ZNF30: variants seen among roughly 807,000 people sequenced by gnomAD.
ZNF30 encodes the protein zinc finger protein 30 (KOX 28).
ZNF30 carries 15 observed loss-of-function variants against 13.2 expected under a neutral mutation model. The observed-to-expected ratio is 1.13, with a 90% CI of 0.76 to 1.75. The LOEUF (loss-of-function observed/expected upper bound fraction) is 1.75, where lower values mean the gene tolerates loss of function less well. Ranked by LOEUF, ZNF30 falls within the 40% of genes most tolerant of loss-of-function variation. The probability of loss-of-function intolerance (pLI) is 0.00; values close to 1 mark genes in which losing one functional copy is unlikely to be tolerated. For missense variants in ZNF30, 726 were observed against 757.0 expected (o/e 0.96, Z 0.48); for synonymous variants, 223 against 256.6 (o/e 0.87, Z 1.25).
intron 4 of ZNF30, among the ~76,000 whole-genome samples, chr19:34,936,229 G>C (rs1250164999): frequency 6.6e-6 from 1 of 152,164 alleles, no homozygotes; most frequent in East Asian, 1.9e-4. Flanking sequence ...TAGTCTGAAT[G>C]GGGGCAAGAG....
intron 3 of ZNF30, 79 bp downstream of exon 3, chr19:34,932,072 A>G: frequency 7.8e-7 from 1 of 1,274,120 alleles, no homozygotes; most frequent in Non-Finnish European, 1.0e-6. Flanking sequence ...GGCTAGCTTA[A>G]GAACTGAACA....
At chr19:34,938,982 G>A (rs1600227926) in intron 4 of ZNF30, among the ~76,000 whole-genome samples, 1 of 152,190 alleles carries the variant, frequency 6.6e-6, no homozygotes, top group African/African-American at 2.4e-5. Flanking sequence ...GCAATTCCAC[G>A]GGCATGGTTT....
Position 34,943,530 on chromosome 19 carries a change from C to T in ZNF30, c.564C>T (p.Gly188=). ...AATGTGGGAAGGCCTTTATCAGTGG[C>T]TCAGCCTTTGTTAAGCATGGGAGAA... The part of the protein sequence containing the change: ...YEKCGKAFIS[G]SAFVKHGRIH... Residue 188 remains glycine, a synonymous_variant, in exon 5 of 5, where the codon GGC becomes GGT. Transcript: ENST00000601142. 6.2e-7 allele frequency: 1 copy of T among 1,613,474 alleles called. No homozygotes were observed. Among genetic ancestry groups the T allele is most frequent in the African/African-American group, 1.3e-5 (1 of 74,980 alleles).
intron 1 of ZNF30, among the ~76,000 whole-genome samples, chr19:34,928,220 A>AATATATATAT (rs374649415): frequency 2.2e-3 from 158 of 73,258 alleles, no homozygotes; most frequent in South Asian, 4.0e-3. Context: ...AAAAAAAAAA[A>AATATATATAT]ATATATATAT....
intron 4 of ZNF30, 87 bp downstream of exon 4, chr19:34,933,810 G>A: frequency 4.3e-6 from 4 of 939,646 alleles, no homozygotes; most frequent in East Asian, 2.7e-5. Context: ...GCAATGTTTG[G>A]AGGTTTCCCT....
At position 34,933,430 on chromosome 19, in the gene ZNF30, G is replaced by A. The variant is rs373540854; in HGVS notation, c.161-198G>A. On this transcript the variant is annotated intron_variant, in intron 3 of 4. Coordinates refer to ENST00000601142, the MANE Select transcript of ZNF30 (RefSeq NM_194325.3). ...ATCGCACACTGCACTGCAGCCTGGC[G>A]ACAGAGTGAGACTCTGTCTCTACAT... Among the ~76,000 whole-genome samples, 14 of 152,212 alleles carry A rather than the reference G, an allele frequency of 9.2e-5. No homozygotes were observed. In the East Asian group the frequency reaches 1.7e-3, roughly 19 times the overall value.
At chr19:34,941,190 T>C (rs891584599) in intron 4 of ZNF30, among the ~76,000 whole-genome samples, 1 of 152,236 alleles carries the variant, frequency 6.6e-6, no homozygotes, top group African/African-American at 2.4e-5. Context: ...GAGGGTCCTC[T>C]TGTGTAGCGT....
intron 4 of ZNF30, among the ~76,000 whole-genome samples, chr19:34,936,310 G>T (rs1457602517): frequency 6.6e-6 from 1 of 152,100 alleles, no homozygotes; most frequent in Non-Finnish European, 1.5e-5. Context: ...AAGGCAGAGT[G>T]TTCATCATAC....
chr19:34,942,604 C>A, intron 4 of ZNF30: 1 of 1,287,002 alleles, frequency 7.8e-7, no homozygotes, highest in Non-Finnish European at 1.0e-6. Context: ...GATAAGAAAG[C>A]TCCAGTCTAC....
upstream of ZNF30, among the ~76,000 whole-genome samples, chr19:34,926,381 C>A (rs987129237): frequency 6.6e-6 from 1 of 152,100 alleles, no homozygotes; most frequent in Admixed American, 6.5e-5. Flanking sequence ...AAGATAAATG[C>A]CTATTACATA....
chr19:34,944,706 T>C lies in ZNF30; in HGVS notation c.1740T>C (p.Asn580=), dbSNP rs200083360. ...AATGCGGGAAGGCCTTTAGACTTAA[T>C]TCATTCCTTACTGAACATCAGCGGG... ...CKECGKAFRL[N]SFLTEHQRVH... The change falls in exon 5 of 5, where the codon AAT becomes AAC. Residue 580 remains asparagine (N), a synonymous_variant. Coordinates refer to ENST00000601142, the MANE Select transcript of ZNF30 (RefSeq NM_194325.3). 443 of 1,612,464 alleles carry C rather than the reference T, an allele frequency of 2.7e-4. 1 individual carries two copies. The highest frequency in any genetic ancestry group is 5.1e-5 in the Non-Finnish European group (60 of 1,178,836).
At chr19:34,931,268 C>A (rs2012438477) in intron 2 of ZNF30, among the ~76,000 whole-genome samples, 1 of 152,124 alleles carries the variant, frequency 6.6e-6, no homozygotes, top group African/African-American at 2.4e-5. Flanking sequence ...AACTCCTGAC[C>A]TCGTGTGATC....
In ZNF30 at chr19:34,945,022, C is replaced by A. The variant is rs979798627; in HGVS notation, c.*184C>A. The A allele has an allele frequency of 1.7e-6, 1 of 604,582 alleles. No homozygotes were observed. Among genetic ancestry groups the A allele is most frequent in the Non-Finnish European group, 2.7e-6 (1 of 375,068 alleles). The allele number at this position is 604,582 out of a possible 1,614,324, so 37.5% of individuals were successfully genotyped here. A position where few individuals can be genotyped will look rare whatever the true frequency, so the allele number is the denominator to read the frequency against. On this transcript the variant is annotated 3_prime_UTR_variant, in exon 5 of 5. Transcript: ENST00000601142. Reference sequence around the variant, plus strand: ...TTTGTCATTTATAGGTTTGTAATACCAATATTTATACTGGTGGACCATTCA... The same window carrying A: ...TTTGTCATTTATAGGTTTGTAATACAAATATTTATACTGGTGGACCATTCA...
upstream of ZNF30, among the ~76,000 whole-genome samples, chr19:34,924,679 G>C (rs914918313): frequency 1.3e-5 from 2 of 152,178 alleles, no homozygotes; most frequent in African/African-American, 4.8e-5. Flanking sequence ...CATGAATTGG[G>C]TGGATTCTCA....
intron 1 of ZNF30, among the ~76,000 whole-genome samples, chr19:34,928,252 T>TATAGATAG (rs61316053): frequency 2.8e-3 from 159 of 56,500 alleles, no homozygotes; most frequent in African/African-American, 0.01. Context: ...TATATATATA[T>TATAGATAG]ATAGATAGAT....
chr19:34,937,245 T>C (rs903795306), intron 4 of ZNF30, among the ~76,000 whole-genome samples: 3 of 152,058 alleles, frequency 2.0e-5, no homozygotes, highest in Admixed American at 6.6e-5. Context: ...ACTCCTGACC[T>C]TGGGTGATCC....
chr19:34,944,436 A>C lies in ZNF30; in HGVS notation c.1470A>C (p.Gly490=), dbSNP rs149265975. ...DVKPYECKEC[G]KTFSRASYLV... ...AGCCCTATGAATGTAAGGAATGTGG[A>C]AAGACTTTTAGTCGAGCCTCGTACC... Residue 490 remains glycine, a synonymous_variant, in exon 5 of 5, where the codon GGA becomes GGC. Coordinates refer to ENST00000601142, the MANE Select transcript of ZNF30 (RefSeq NM_194325.3). The C allele has an allele frequency of 5.0e-6, 8 of 1,613,652 alleles. No individual in the cohort carries two copies. Among genetic ancestry groups the C allele is most frequent in the Middle Eastern group, 3.3e-4 (2 of 6,082 alleles).
rs761375120 is a variant in ZNF30 at position 34,933,591 on chromosome 19, A to G, written c.161-37A>G. On this transcript the variant is annotated intron_variant, in intron 3 of 4. Transcript: ENST00000601142. Reference sequence around the variant, plus strand: ...AAGCTGGAAGTATTTTTGAACTCATATTTTATTTCTTTTCTACATTCTTAT... The same window carrying G: ...AAGCTGGAAGTATTTTTGAACTCATGTTTTATTTCTTTTCTACATTCTTAT... 4 of 1,478,202 alleles carry G rather than the reference A, an allele frequency of 2.7e-6. No homozygotes were observed. The South Asian group carries it at 3.7e-5, about 13-fold the overall frequency. 91.6% of individuals were successfully genotyped at this position (1,478,202 alleles called of 1,614,324 possible). A position where few individuals can be genotyped will look rare whatever the true frequency, so the allele number is the denominator to read the frequency against.
chr19:34,939,825 A>G (rs2012943864), intron 4 of ZNF30, among the ~76,000 whole-genome samples: 1 of 152,214 alleles, frequency 6.6e-6, no homozygotes, highest in Admixed American at 6.5e-5. Flanking sequence ...GGCATAATTG[A>G]CAAATAATGA....
Sources: gnomAD v4.1 joint callset for allele counts (sites outside exome capture counted in the v4.1 genomes callset) on GRCh38, gnomAD v4.1.1 for gene constraint, MANE v1.5 for transcripts, NCBI Gene and HGNC (gene_info 2026-07-23, HGNC 2026-07-21) for gene names.